SBF2: variants seen among roughly 807,000 people sequenced by gnomAD.
SBF2 encodes the protein myotubularin-related protein 13.
A neutral mutation model predicts 225.2 loss-of-function variants in SBF2; 112 were observed. That is an observed-to-expected ratio of 0.50 (90% CI 0.43 to 0.58). The LOEUF (loss-of-function observed/expected upper bound fraction) is 0.58, where lower values mean the gene tolerates loss of function less well. Among genes scored for constraint, SBF2 ranks in the 20% least tolerant of loss-of-function variants. SBF2 has a pLI of 0.00. For synonymous variants in SBF2, 763 were observed against 773.3 expected, an observed-to-expected ratio of 0.99 and a Z score of 0.22; for missense variants, 1,996 against 2,206.2, an observed-to-expected ratio of 0.90 and a Z score of 1.91.
Position 10,119,908 on chromosome 11 carries a change from C to T in SBF2, c.141+73994G>A, listed in dbSNP as rs138219433. ...GTATAAATCAGAATATCTTGGCAGT[C>T]GGGCCTTAGAATCAATATTTTAAAT... On this transcript the variant is annotated intron_variant, in intron 2 of 39. Transcript: ENST00000256190. Among the ~76,000 whole-genome samples the T allele has an allele frequency of 5.9e-5, 9 of 152,190 alleles. No individual in the cohort carries two copies. In the East Asian group the frequency reaches 7.7e-4, roughly 13 times the overall value.
intron 2 of SBF2, among the ~76,000 whole-genome samples, chr11:10,147,371 T>C (rs1277495902): frequency 1.3e-5 from 2 of 152,142 alleles, no homozygotes; most frequent in Non-Finnish European, 2.9e-5. Context: ...AAATACACCA[T>C]GGAATACTAT....
At chr11:9,936,576 G>A (rs1047564129) in intron 16 of SBF2, among the ~76,000 whole-genome samples, 1 of 152,168 alleles carries the variant, frequency 6.6e-6, no homozygotes, top group Non-Finnish European at 1.5e-5. Context: ...ATGATAGACT[G>A]GATTAAGAAA....
At chr11:10,238,437 G>A (rs543892079) in intron 1 of SBF2, among the ~76,000 whole-genome samples, 181 of 152,078 alleles carry the variant, frequency 1.2e-3, no homozygotes, top group Non-Finnish European at 2.1e-3. Flanking sequence ...AAAATAACAT[G>A]AAAACACTAA....
intron 1 of SBF2, among the ~76,000 whole-genome samples, chr11:10,252,143 C>T (rs1477983944): frequency 6.6e-6 from 1 of 152,250 alleles, no homozygotes; most frequent in East Asian, 1.9e-4. Flanking sequence ...GTACCCTCTA[C>T]TCAGTCCTTG....
At chr11:10,215,944 G>C (rs1958113925) in intron 1 of SBF2, among the ~76,000 whole-genome samples, 1 of 152,152 alleles carries the variant, frequency 6.6e-6, no homozygotes, top group Admixed American at 6.5e-5. Flanking sequence ...AAGTAAGTCA[G>C]GTCCATTCAA....
At chr11:10,104,164 A>G (rs1365584067) in intron 2 of SBF2, among the ~76,000 whole-genome samples, 1 of 152,106 alleles carries the variant, frequency 6.6e-6, no homozygotes. Context: ...TAGTGAGTCT[A>G]ACTTCATCCT....
At chr11:10,120,765 G>A (rs1407620205) in intron 2 of SBF2, among the ~76,000 whole-genome samples, 1 of 152,012 alleles carries the variant, frequency 6.6e-6, no homozygotes, top group Non-Finnish European at 1.5e-5. Context: ...GATTACAGGC[G>A]TGTGCCACCA....
chr11:10,084,174 T>G (rs1411710596), intron 2 of SBF2, among the ~76,000 whole-genome samples: 2 of 151,970 alleles, frequency 1.3e-5, no homozygotes, highest in Non-Finnish European at 2.9e-5. Context: ...AAATTAACCT[T>G]ATTAAAAAGT....
At chr11:10,003,526 C>G (rs1948064107) in intron 6 of SBF2, among the ~76,000 whole-genome samples, 1 of 151,888 alleles carries the variant, frequency 6.6e-6, no homozygotes, top group African/African-American at 2.4e-5. Context: ...CGCCACCATG[C>G]CCAGCTAATT....
At chr11:10,175,324 A>G (rs983486562) in intron 2 of SBF2, among the ~76,000 whole-genome samples, 93 of 151,740 alleles carry the variant, frequency 6.1e-4, no homozygotes, top group African/African-American at 2.1e-3. Flanking sequence ...AAGATCTACC[A>G]AGCAAATGGA....
At chr11:10,056,326 T>C (rs894193417) in intron 2 of SBF2, among the ~76,000 whole-genome samples, 1 of 152,228 alleles carries the variant, frequency 6.6e-6, no homozygotes, top group Non-Finnish European at 1.5e-5. Context: ...GTACATTGCT[T>C]TGGGCAGTGT....
chr11:10,064,280 A>T (rs1016685668), intron 2 of SBF2, among the ~76,000 whole-genome samples: 1 of 152,184 alleles, frequency 6.6e-6, no homozygotes, highest in Non-Finnish European at 1.5e-5. Context: ...AGTAGAATAT[A>T]CAAATTAAAG....
At chr11:9,994,267 G>A (rs1464641994) in intron 9 of SBF2, among the ~76,000 whole-genome samples, 1 of 151,934 alleles carries the variant, frequency 6.6e-6, no homozygotes, top group Non-Finnish European at 1.5e-5. Flanking sequence ...GAGGTCAGGA[G>A]ATCGAGACCA....
chr11:9,961,728 T>A lies in SBF2; in HGVS notation c.1860+229A>T, dbSNP rs1866582422. On this transcript the variant is annotated intron_variant, in intron 16 of 39. Coordinates refer to ENST00000256190, the MANE Select transcript of SBF2 (RefSeq NM_030962.4). ...AAAGAACTTGCTTATATTACAGAACTAGTAAAATAATCTAGCATTTTCAAA... is the reference window on the plus strand; with the variant it reads ...AAAGAACTTGCTTATATTACAGAACAAGTAAAATAATCTAGCATTTTCAAA... 3 of 454,098 alleles carry A rather than the reference T, an allele frequency of 6.6e-6. No individual in the cohort carries two copies. In the Admixed American group the frequency reaches 1.1e-4, roughly 17 times the overall value. 28.1% of individuals were successfully genotyped at this position (454,098 alleles called of 1,614,324 possible). A position where few individuals can be genotyped will look rare whatever the true frequency, so the allele number is the denominator to read the frequency against.
In SBF2 at chr11:10,294,120, C is replaced by G; in HGVS notation, c.-51G>C. 5 of 1,282,158 alleles carry G rather than the reference C, an allele frequency of 3.9e-6. No individual in the cohort carries two copies. The highest frequency in any genetic ancestry group is 4.0e-6 in the Non-Finnish European group (4 of 1,007,272). The allele number at this position is 1,282,158 out of a possible 1,614,324, so 79.4% of individuals were successfully genotyped here. On this transcript the variant is annotated 5_prime_UTR_variant, in exon 1 of 40. Transcript: ENST00000256190. ...CGGGTCCCCGTCGCCGCCCTCGCCGCCGCCGCCCACCCGGCCCGGGAGGGC... is the reference window on the plus strand; with the variant it reads ...CGGGTCCCCGTCGCCGCCCTCGCCGGCGCCGCCCACCCGGCCCGGGAGGGC...
At chr11:9,926,476 A>C (rs1469793792) in intron 16 of SBF2, among the ~76,000 whole-genome samples, 1 of 152,134 alleles carries the variant, frequency 6.6e-6, no homozygotes, top group Non-Finnish European at 1.5e-5. Context: ...TTTCAAGTGC[A>C]TAAGGAATAG....
chr11:9,922,315 G>A (rs1197267020), intron 16 of SBF2, among the ~76,000 whole-genome samples: 1 of 152,122 alleles, frequency 6.6e-6, no homozygotes, highest in African/African-American at 2.4e-5. Context: ...GCATATTTTA[G>A]CTGGACTGGA....
chr11:10,282,819 CTATAGAGTCAAGGCT>C (rs1963504050), intron 1 of SBF2, among the ~76,000 whole-genome samples: 1 of 40,354 alleles, frequency 2.5e-5, no homozygotes, highest in Non-Finnish European at 7.0e-5. Context: ...ACCCCACCAT[CTATAGAGTCAAGGCT>C]CACCATCTAT....
intron 17 of SBF2, among the ~76,000 whole-genome samples, chr11:9,877,789 C>T (rs7121105): frequency 0.52 from 78,726 of 152,010 alleles, 20,766 homozygotes; most frequent in African/African-American, 0.59. Flanking sequence ...CTTAATCCAA[C>T]CTATCATTGA....
Sources: gnomAD v4.1 joint callset for allele counts (sites outside exome capture counted in the v4.1 genomes callset) on GRCh38, gnomAD v4.1.1 for gene constraint, MANE v1.5 for transcripts, NCBI Gene and HGNC (gene_info 2026-07-23, HGNC 2026-07-21) for gene names.